WRN: variants seen among roughly 807,000 people sequenced by gnomAD.
WRN encodes WRN RecQ like helicase.
A neutral mutation model predicts 180.7 loss-of-function variants in WRN; 149 were observed. That is an observed-to-expected ratio of 0.82 (90% CI 0.72 to 0.94). WRN has a LOEUF of 0.94. Ranked by LOEUF, WRN falls within the 40% of genes least tolerant of loss-of-function variation. The pLI is 0.00. For synonymous variants in WRN, 548 were observed against 568.9 expected, an observed-to-expected ratio of 0.96 and a Z score of 0.52; for missense variants, 1,661 against 1,700.1, an observed-to-expected ratio of 0.98 and a Z score of 0.40.
chr8:31,113,424 A>G (rs1801395451), intron 19 of WRN, among the ~76,000 whole-genome samples: 4 of 152,134 alleles, frequency 2.6e-5, no homozygotes, highest in Admixed American at 2.6e-4. Context: ...TGGATCGAAT[A>G]TATTCTGAGT....
chr8:31,081,409 G>T, intron 9 of WRN, 113 bp downstream of exon 9: 1 of 1,118,662 alleles, frequency 8.9e-7, no homozygotes, highest in Non-Finnish European at 1.3e-6. Flanking sequence ...TACAGTCTCT[G>T]TTGCAGTAAC....
In WRN at chr8:31,111,675, T is replaced by C. The variant is rs1060500078; in HGVS notation, c.2149T>C (p.Cys717Arg). 1 of 1,614,132 alleles carries C rather than the reference T, an allele frequency of 6.2e-7. No individual in the cohort carries two copies. Among genetic ancestry groups the C allele is most frequent in the Non-Finnish European group, 8.5e-7 (1 of 1,179,984 alleles). The change falls in exon 19 of 35, where the codon TGC becomes CGC. Residue 717 changes from cysteine to arginine, a missense_variant. Physicochemically the swap from Cys to Arg is radical, Grantham distance 180. Around this residue, in one of 3 missense-constraint regions of WRN, gnomAD observed 1,141 missense variants for 1,149.4 expected, o/e 0.99. Coordinates refer to ENST00000298139, the MANE Select transcript of WRN (RefSeq NM_000553.6). ...TTCAATCCGGGAAGACATTGTACGT[T>C]GCTTAAATCTGAGAAATCCTCAGAT... ...SSSIREDIVR[C>R]LNLRNPQITC... is the part of the protein sequence containing the mutation.
In WRN at chr8:31,125,971, A is replaced by AATATAT. The variant is rs55952524; in HGVS notation, c.2825+994_2825+999dup. Among the ~76,000 whole-genome samples the AATATAT allele has an allele frequency of 4.4e-3, 646 of 145,622 alleles. 8 individuals are homozygous for AATATAT. The highest frequency in any genetic ancestry group is 0.01 in the Middle Eastern group (3 of 286). ...TCACAACCAAGAAGACATCATCCTA[A>AATATAT]ATATATATATATATATATATATATA... On this transcript the variant is annotated intron_variant, in intron 23 of 34. Transcript: ENST00000298139.
chr8:31,086,399 C>T (rs1466404447), intron 11 of WRN, among the ~76,000 whole-genome samples: 1 of 151,800 alleles, frequency 6.6e-6, no homozygotes, highest in Non-Finnish European at 1.5e-5. Context: ...ATGGCAAAAC[C>T]CTCTCTCTCC....
rs968819042 is a variant in WRN, at chr8:31,036,876, A to AT, written c.-77+2908dup. Among the ~76,000 whole-genome samples the AT allele has an allele frequency of 1.3e-4, 20 of 151,860 alleles. 1 individual carries two copies. The highest frequency in any genetic ancestry group is 1.0e-3 in the Admixed American group (16 of 15,252). ...TTATTTTGATGTAATCCCTTTGTCT[A>AT]TTTTTGCTTTTGTTACCTTTGCTTT... On this transcript the variant is annotated intron_variant, in intron 1 of 34. Transcript: ENST00000298139.
At chr8:31,117,164 A>C (rs2130309153) in intron 20 of WRN, among the ~76,000 whole-genome samples, 1 of 152,286 alleles carries the variant, frequency 6.6e-6, no homozygotes, top group East Asian at 1.9e-4. Context: ...GTTTAGATAC[A>C]ATTTTCTGTA....
In WRN at chr8:31,059,093, A is replaced by G; in HGVS notation, c.97-60A>G. 17 of 1,234,796 alleles carry G rather than the reference A, an allele frequency of 1.4e-5. 1 individual carries two copies. Among genetic ancestry groups the G allele is most frequent in the South Asian group, 6.0e-5 (5 of 83,326 alleles). The allele number at this position is 1,234,796 out of a possible 1,614,324, so 76.5% of individuals were successfully genotyped here. On this transcript the variant is annotated intron_variant, in intron 2 of 34. Coordinates refer to ENST00000298139, the MANE Select transcript of WRN (RefSeq NM_000553.6). Reference sequence around the variant, plus strand: ...ATGCTTCAGTGAACTTTATTATTTCAGTGAACATTTGTTATTTGATGTGAA... The same window carrying G: ...ATGCTTCAGTGAACTTTATTATTTCGGTGAACATTTGTTATTTGATGTGAA...
At chr8:31,089,074 T>TTA in intron 13 of WRN, 109 bp downstream of exon 13, 1 of 855,432 alleles carries the variant, frequency 1.2e-6, no homozygotes, top group Non-Finnish European at 1.9e-6. Context: ...TTCACTATAG[T>TTA]TATACATGCC....
chr8:31,052,622 A>C (rs1292673073), intron 1 of WRN, among the ~76,000 whole-genome samples: 1 of 152,082 alleles, frequency 6.6e-6, no homozygotes, highest in Non-Finnish European at 1.5e-5. Context: ...CCTGGCCTCA[A>C]ATCATCGGCC....
At chr8:31,046,515 C>T (rs1218718667) in intron 1 of WRN, among the ~76,000 whole-genome samples, 1 of 152,076 alleles carries the variant, frequency 6.6e-6, no homozygotes, top group East Asian at 1.9e-4. Flanking sequence ...AATGACCTTC[C>T]CTCCTGAGCC....
rs186693124 is a variant in WRN at position 31,111,691 on chromosome 8, A to G, written c.2165A>G (p.Asn722Ser). Residue 722 changes from asparagine to serine, a missense_variant, in exon 19 of 35, where the codon AAT becomes AGT. Asn to Ser is a conservative substitution (Grantham distance 46). Around this residue, in one of 3 missense-constraint regions of WRN, gnomAD observed 1,141 missense variants for 1,149.4 expected, o/e 0.99. Coordinates refer to ENST00000298139, the MANE Select transcript of WRN (RefSeq NM_000553.6). ...EDIVRCLNLRNPQITCTGFDR... is the reference protein window; with the variant it reads ...EDIVRCLNLRSPQITCTGFDR... ...ATTGTACGTTGCTTAAATCTGAGAA[A>G]TCCTCAGATCACCTGTACTGGTTTT... 6.6e-5 allele frequency: 107 copies of G among 1,614,078 alleles called. 1 individual carries two copies. The highest frequency in any genetic ancestry group is 3.3e-4 in the Admixed American group (20 of 60,022).
chr8:31,157,176 A>G (rs978527220), intron 32 of WRN, among the ~76,000 whole-genome samples, 192 bp from the exon 33 acceptor site: 48 of 152,242 alleles, frequency 3.2e-4, no homozygotes, highest in Admixed American at 1.0e-3. Flanking sequence ...AAGTATAAAA[A>G]GTAGAACCTA....
chr8:31,161,803 C>T (rs1187311085), intron 33 of WRN, among the ~76,000 whole-genome samples: 6 of 132,426 alleles, frequency 4.5e-5, no homozygotes, highest in African/African-American at 1.7e-4. Flanking sequence ...TGTGCCACTG[C>T]ACTTCAGCCT....
chr8:31,084,361 C>T (rs1365802142), intron 10 of WRN, among the ~76,000 whole-genome samples: 1 of 151,858 alleles, frequency 6.6e-6, no homozygotes, highest in East Asian at 1.9e-4. Flanking sequence ...TATTGGGTAC[C>T]AATTATTAGT....
Position 31,147,347 on chromosome 8 carries a change from C to G in WRN, c.3460-17C>G, listed in dbSNP as rs370780485. The G allele has an allele frequency of 6.2e-6, 10 of 1,611,090 alleles. No homozygotes were observed. Among genetic ancestry groups the G allele is most frequent in the Non-Finnish European group, 8.5e-6 (10 of 1,177,420 alleles). ...AAGTACACTTTAAAAAGTGTTGTTT[C>G]TTTGTTTTTTGTTCAGATTGTGTTA... On this transcript the variant is annotated splice_polypyrimidine_tract_variant and intron_variant, in intron 29 of 34. Transcript: ENST00000298139.
intron 15 of WRN, 23 bp downstream of exon 15, chr8:31,090,965 C>G (rs1262748516): frequency 1.3e-6 from 2 of 1,535,746 alleles, no homozygotes; most frequent in Admixed American, 3.3e-5. Context: ...ATCATTGCCA[C>G]AATATCACCC....
chr8:31,142,709 T>A lies in WRN; in HGVS notation c.3309+8T>A. 1.3e-6 allele frequency: 2 copies of A among 1,593,256 alleles called. No homozygotes were observed. Among genetic ancestry groups the A allele is most frequent in the Non-Finnish European group, 1.7e-6 (2 of 1,166,200 alleles). On this transcript the variant is annotated splice_region_variant and intron_variant, in intron 27 of 34. Coordinates refer to ENST00000298139, the MANE Select transcript of WRN (RefSeq NM_000553.6). Reference sequence around the variant, plus strand: ...TTAAGTACAGAGAAGAAGGTTTGTTTTAAAGAAATTGTTCTGATTTATTTC... The same window carrying A: ...TTAAGTACAGAGAAGAAGGTTTGTTATAAAGAAATTGTTCTGATTTATTTC...
rs747432711 is a variant in WRN at position 31,090,538 on chromosome 8, T to C, written c.1720+6T>C. Reference sequence around the variant, plus strand: ...TGTTGCTGTCATGGCAACTGGTAAGTTGTACTTAAGCAAAACCTAATCCTT... The same window carrying C: ...TGTTGCTGTCATGGCAACTGGTAAGCTGTACTTAAGCAAAACCTAATCCTT... On this transcript the variant is annotated splice_donor_region_variant and intron_variant, in intron 14 of 34. Transcript: ENST00000298139. 1.2e-6 allele frequency: 2 copies of C among 1,611,540 alleles called. No homozygotes were observed. The highest frequency in any genetic ancestry group is 2.7e-5 in the African/African-American group (2 of 74,796).
At chr8:31,103,908 G>A (rs1166210500) in intron 18 of WRN, among the ~76,000 whole-genome samples, 2 of 151,764 alleles carry the variant, frequency 1.3e-5, no homozygotes, top group African/African-American at 4.8e-5. Context: ...CTAATTTTTT[G>A]TATTTTTAGT....
Sources: allele counts gnomAD v4.1 joint callset (sites outside exome capture counted in the v4.1 genomes callset), GRCh38; gene constraint gnomAD v4.1.1; regional missense constraint gnomAD v4.1.1; transcripts MANE v1.5; gene names NCBI Gene and HGNC (gene_info 2026-07-23, HGNC 2026-07-21).